The following NSMCE2 variants were observed in gnomAD, a reference collection of about 807,000 sequenced individuals.
NSMCE2 encodes NSE2 SUMO ligase component of SMC5/6 complex.
A neutral mutation model predicts 23.8 loss-of-function variants in NSMCE2; 24 were observed. That is an observed-to-expected ratio of 1.01 (90% confidence interval 0.73 to 1.42). The LOEUF (loss-of-function observed/expected upper bound fraction) is 1.42, where lower values mean the gene tolerates loss of function less well. Ranked by LOEUF, NSMCE2 falls within the 40% of genes most tolerant of loss-of-function variation. NSMCE2 has a pLI of 0.00. For missense variants in NSMCE2, 284 were observed against 296.5 expected (o/e 0.96, Z 0.31); for synonymous variants, 92 against 94.1 (o/e 0.98, Z 0.13).
At chr8:125,237,721 A>G (rs552900439) in intron 5 of NSMCE2, among the ~76,000 whole-genome samples, 1 of 152,314 alleles carries the variant, frequency 6.6e-6, no homozygotes, top group African/African-American at 2.4e-5. Flanking sequence ...TCCTGAGTCC[A>G]GTCAGTGAGA....
At chr8:125,203,248 T>A (rs1823963406) in intron 5 of NSMCE2, among the ~76,000 whole-genome samples, 1 of 152,018 alleles carries the variant, frequency 6.6e-6, no homozygotes, top group South Asian at 2.1e-4. Context: ...TGTGTGTGTG[T>A]CTGTATGTAT....
intron 1 of NSMCE2, among the ~76,000 whole-genome samples, chr8:125,095,492 G>T (rs1278363524): frequency 6.6e-6 from 1 of 152,032 alleles, no homozygotes; most frequent in Non-Finnish European, 1.5e-5. Context: ...TACTTGAGAG[G>T]CTAATGTGGG....
At chr8:125,256,597 G>A (rs1826427871) in intron 5 of NSMCE2, among the ~76,000 whole-genome samples, 1 of 152,122 alleles carries the variant, frequency 6.6e-6, no homozygotes, top group Non-Finnish European at 1.5e-5. Flanking sequence ...ATTATGCATA[G>A]ACAAGCTCAC....
chr8:125,323,459 T>C (rs1425019681), intron 5 of NSMCE2, among the ~76,000 whole-genome samples: 2 of 152,128 alleles, frequency 1.3e-5, no homozygotes, highest in South Asian at 2.1e-4. Context: ...GTTAAATAAA[T>C]CAGTGGAATG....
At chr8:125,163,233 C>A (rs1374962276) in intron 4 of NSMCE2, among the ~76,000 whole-genome samples, 5 of 152,068 alleles carry the variant, frequency 3.3e-5, no homozygotes, top group Non-Finnish European at 7.4e-5. Context: ...AGTAAATAAA[C>A]AATTCAAAAA....
intron 5 of NSMCE2, among the ~76,000 whole-genome samples, chr8:125,314,260 C>G (rs993297464): frequency 2.9e-5 from 3 of 104,268 alleles, no homozygotes; most frequent in Non-Finnish European, 7.1e-5. Flanking sequence ...TTTCAAGGAG[C>G]CTTGTGTTTT....
rs111880142 is a variant in NSMCE2 at position 125,159,079 on chromosome 8, C to T, written c.264+7802C>T. Among the ~76,000 whole-genome samples the T allele has an allele frequency of 1.4e-3, 210 of 152,340 alleles. 1 individual carries two copies. Among genetic ancestry groups the T allele is most frequent in the African/African-American group, 4.6e-3 (192 of 41,582 alleles). ...TGTGATGAAACCTTGTGCCTTGCTGCTCTGTCCTGTCTTCATCACAAGAGG... is the reference window on the plus strand; with the variant it reads ...TGTGATGAAACCTTGTGCCTTGCTGTTCTGTCCTGTCTTCATCACAAGAGG... On this transcript the variant is annotated intron_variant, in intron 4 of 7. Transcript: ENST00000287437.
At chr8:125,257,641 C>T (rs983833883) in intron 5 of NSMCE2, among the ~76,000 whole-genome samples, 1 of 149,636 alleles carries the variant, frequency 6.7e-6, no homozygotes, top group Non-Finnish European at 1.5e-5. Context: ...TCACGCCATT[C>T]TCCTGCCTCA....
chr8:125,331,982 A>G (rs147124314), intron 5 of NSMCE2, among the ~76,000 whole-genome samples: 13 of 152,244 alleles, frequency 8.5e-5, no homozygotes, highest in African/African-American at 3.1e-4. Flanking sequence ...TGCTTTGTGG[A>G]CTTAATCTAT....
intron 5 of NSMCE2, chr8:125,351,481 C>A (rs538522437): frequency 3.9e-5 from 6 of 152,206 alleles, no homozygotes; most frequent in Non-Finnish European, 8.8e-5. Context: ...TGGGCAGGGG[C>A]ATCTGGAGGT....
intron 3 of NSMCE2, among the ~76,000 whole-genome samples, chr8:125,111,283 A>G (rs77573294): frequency 7.4e-4 from 113 of 152,216 alleles, no homozygotes; most frequent in African/African-American, 2.6e-3. Context: ...GACCTTTTAC[A>G]TTTGCAAATG....
intron 5 of NSMCE2, among the ~76,000 whole-genome samples, chr8:125,207,410 G>A (rs1244274670): frequency 6.6e-6 from 1 of 152,060 alleles, no homozygotes; most frequent in African/African-American, 2.4e-5. Context: ...CCCAAAGCTA[G>A]CAATTACTTT....
At chr8:125,155,785 A>G (rs1339938033) in intron 4 of NSMCE2, among the ~76,000 whole-genome samples, 1 of 152,212 alleles carries the variant, frequency 6.6e-6, no homozygotes, top group East Asian at 1.9e-4. Flanking sequence ...AGTTTAGTTC[A>G]GGGAATCCTC....
At chr8:125,180,027 A>C (rs1309116746) in intron 4 of NSMCE2, among the ~76,000 whole-genome samples, 1 of 152,224 alleles carries the variant, frequency 6.6e-6, no homozygotes, top group African/African-American at 2.4e-5. Context: ...ATTTTATTTT[A>C]TAAATCCAGA....
intron 5 of NSMCE2, among the ~76,000 whole-genome samples, chr8:125,296,927 T>A (rs1828353197): frequency 6.6e-6 from 1 of 152,226 alleles, no homozygotes; most frequent in South Asian, 2.1e-4. Context: ...TGATTTTTCT[T>A]TAAGAAATCG....
At chr8:125,239,284 AAAC>A (rs1405280683) in intron 5 of NSMCE2, among the ~76,000 whole-genome samples, 2 of 152,200 alleles carry the variant, frequency 1.3e-5, no homozygotes, top group Non-Finnish European at 2.9e-5. Context: ...AGTGGATTTG[AAAC>A]AACATCTTAT....
At chr8:125,275,853 C>A (rs1439695542) in intron 5 of NSMCE2, among the ~76,000 whole-genome samples, 1 of 152,100 alleles carries the variant, frequency 6.6e-6, no homozygotes, top group East Asian at 1.9e-4. Flanking sequence ...GGAATTCAAA[C>A]CCAGAACGCT....
At chr8:125,226,639 G>C (rs1248372896) in intron 5 of NSMCE2, among the ~76,000 whole-genome samples, 1 of 152,200 alleles carries the variant, frequency 6.6e-6, no homozygotes, top group Non-Finnish European at 1.5e-5. Context: ...AACGCCACTT[G>C]TCTGAGAGGG....
intron 1 of NSMCE2, among the ~76,000 whole-genome samples, chr8:125,101,350 A>AGGG (rs1818179120): frequency 6.6e-6 from 1 of 152,246 alleles, no homozygotes; most frequent in Admixed American, 6.5e-5. Context: ...GAAGGGCAGA[A>AGGG]GGGAAGGCTC....
Sources: gnomAD v4.1 joint callset for allele counts (sites outside exome capture counted in the v4.1 genomes callset) on GRCh38, gnomAD v4.1.1 for gene constraint, MANE v1.5 for transcripts, NCBI Gene and HGNC (gene_info 2026-07-23, HGNC 2026-07-21) for gene names.